AFTPH: variants seen among roughly 807,000 people sequenced by gnomAD.
AFTPH encodes aftiphilin.
AFTPH carries 7 observed loss-of-function variants against 72.5 expected under a neutral mutation model. The observed-to-expected ratio is 0.10, with a 90% CI of 0.05 to 0.18. AFTPH has a LOEUF of 0.18. Among genes scored for constraint, AFTPH ranks in the 10% least tolerant of loss-of-function variants. The probability of loss-of-function intolerance (pLI) is 1.00; values close to 1 mark genes in which losing one functional copy is unlikely to be tolerated. For missense variants in AFTPH, 979 were observed against 1,060.5 expected, an observed-to-expected ratio of 0.92 and a Z score of 1.07; for synonymous variants, 337 against 370.1, an observed-to-expected ratio of 0.91 and a Z score of 1.03.
intron 1 of AFTPH, among the ~76,000 whole-genome samples, chr2:64,549,548 T>G (rs976486653): frequency 7.2e-5 from 11 of 151,930 alleles, no homozygotes; most frequent in Non-Finnish European, 1.6e-4. Flanking sequence ...CTTGAACTCC[T>G]GACCTCAAGC....
intron 6 of AFTPH, 62 bp from the exon 7 acceptor site, chr2:64,579,424 G>T: frequency 7.6e-6 from 10 of 1,322,628 alleles, no homozygotes; most frequent in Admixed American, 4.2e-5. Flanking sequence ...TTTTTTTTAA[G>T]GATTCTTTAC....
At chr2:64,579,410 AT>A (rs566747917) in intron 6 of AFTPH, 75 bp from the exon 7 acceptor site, 6,970 of 967,488 alleles carry the variant, frequency 7.2e-3, no homozygotes, top group South Asian at 0.012. Flanking sequence ...TCTTGCTATA[AT>A]TTTTTTTTTT....
intron 5 of AFTPH, among the ~76,000 whole-genome samples, chr2:64,571,025 T>C (rs533429449): frequency 4.1e-4 from 62 of 150,756 alleles, no homozygotes; most frequent in African/African-American, 1.5e-3. Flanking sequence ...TTTAAATGTA[T>C]CTCGCCCTCC....
At chr2:64,551,549 T>C in exon 2 of AFTPH, 1 of 1,614,114 alleles carries the variant, frequency 6.2e-7, no homozygotes, top group South Asian at 1.1e-5. Context: ...ATGATGATGA[T>C]GATGAATTTG....
intron 6 of AFTPH, among the ~76,000 whole-genome samples, chr2:64,578,554 G>A (rs547041375): frequency 2.7e-3 from 346 of 127,374 alleles, no homozygotes; most frequent in African/African-American, 0.012. Flanking sequence ...CCCTGGAATA[G>A]TGAATTTTTT....
chr2:64,575,703 ATGTG>A (rs149890368), intron 6 of AFTPH, among the ~76,000 whole-genome samples: 6,283 of 145,684 alleles, frequency 0.043, 286 homozygotes, highest in African/African-American at 0.11. Flanking sequence ...ATGTGTGTAT[ATGTG>A]TGTGTGTGTG....
chr2:64,585,037 A>T (rs1008707561), intron 7 of AFTPH, among the ~76,000 whole-genome samples: 1 of 152,254 alleles, frequency 6.6e-6, no homozygotes, highest in African/African-American at 2.4e-5. Context: ...AGATTAGTTA[A>T]TTGAAAAATG....
chr2:64,532,336 A>T (rs1027301411), intron 1 of AFTPH, among the ~76,000 whole-genome samples: 5 of 152,168 alleles, frequency 3.3e-5, no homozygotes, highest in African/African-American at 9.7e-5. Flanking sequence ...TTTGTTAAAA[A>T]TTTTTTTAAA....
exon 2 of AFTPH, chr2:64,552,880 C>G (rs1326509453): frequency 1.9e-6 from 3 of 1,614,060 alleles, no homozygotes; most frequent in Non-Finnish European, 2.5e-6. Context: ...GAGCACTTTC[C>G]ACATTTTAGT....
chr2:64,570,928 C>A (rs1447850514), intron 5 of AFTPH, among the ~76,000 whole-genome samples: 3 of 123,830 alleles, frequency 2.4e-5, no homozygotes, highest in Non-Finnish European at 3.5e-5. Flanking sequence ...CCCCCCCCCC[C>A]ACCTTTTTTC....
At chr2:64,576,764 T>G (rs907259418) in intron 6 of AFTPH, among the ~76,000 whole-genome samples, 27 of 152,126 alleles carry the variant, frequency 1.8e-4, no homozygotes, top group Middle Eastern at 3.4e-3. Flanking sequence ...TCACTTTTTT[T>G]TTGTTGTTTT....
intron 7 of AFTPH, chr2:64,579,971 A>C (rs1673076020): frequency 6.4e-6 from 1 of 155,466 alleles, no homozygotes; most frequent in Non-Finnish European, 1.4e-5. Flanking sequence ...GTGTGCATAG[A>C]TCCATGTTTA....
At chr2:64,538,238 T>C (rs1669995065) in intron 1 of AFTPH, among the ~76,000 whole-genome samples, 1 of 152,156 alleles carries the variant, frequency 6.6e-6, no homozygotes, top group South Asian at 2.1e-4. Context: ...TCTAACCAGA[T>C]GTATTGGGTA....
At chr2:64,536,640 A>G (rs17040002) in intron 1 of AFTPH, among the ~76,000 whole-genome samples, 2,155 of 151,654 alleles carry the variant, frequency 0.014, 48 homozygotes, top group East Asian at 0.063. Flanking sequence ...AAGGGATAGA[A>G]TATAAGTAGG....
intron 1 of AFTPH, among the ~76,000 whole-genome samples, chr2:64,533,134 A>T (rs981320489): frequency 1.3e-5 from 2 of 152,118 alleles, no homozygotes; most frequent in Non-Finnish European, 2.9e-5. Context: ...GTGGTGGCTC[A>T]TGCCTGTAAT....
intron 6 of AFTPH, among the ~76,000 whole-genome samples, chr2:64,575,719 G>A (rs1480157983): frequency 9.7e-5 from 6 of 61,776 alleles, no homozygotes; most frequent in Admixed American, 2.7e-4. Flanking sequence ...GTGTGTGTGT[G>A]TGTGTGTGTG....
chr2:64,579,589 A>G (rs1673044214), intron 7 of AFTPH, 43 bp downstream of exon 7: 2 of 1,545,830 alleles, frequency 1.3e-6, no homozygotes, highest in Non-Finnish European at 1.8e-6. Flanking sequence ...GCTAGAGTTA[A>G]GAAAGCTACA....
intron 2 of AFTPH, among the ~76,000 whole-genome samples, chr2:64,565,485 A>AG (rs910792862): frequency 6.6e-6 from 1 of 151,668 alleles, no homozygotes; most frequent in African/African-American, 2.4e-5. Context: ...AAAAAAAAAA[A>AG]AAAAAAAAGC....
At chr2:64,580,388 C>T (rs1045476074) in intron 7 of AFTPH, 3 of 152,774 alleles carry the variant, frequency 2.0e-5, no homozygotes, top group African/African-American at 4.8e-5. Flanking sequence ...ATCTGGAAAG[C>T]ATCCAATTGA....
Sources: allele counts gnomAD v4.1 joint callset (sites outside exome capture counted in the v4.1 genomes callset), GRCh38; gene constraint gnomAD v4.1.1; transcripts MANE v1.5; gene names NCBI Gene and HGNC (gene_info 2026-07-23, HGNC 2026-07-21).